The following ADGRV1 variants were observed in gnomAD, a reference collection of about 807,000 sequenced individuals.
The protein encoded by ADGRV1 is adhesion G protein-coupled receptor V1, also known as G-protein coupled receptor 98.
A neutral mutation model predicts 596.2 loss-of-function variants in ADGRV1; 359 were observed. The observed-to-expected ratio is 0.60, with a 90% confidence interval of 0.55 to 0.66. The LOEUF is 0.66. ADGRV1 is among the 30% of genes least tolerant of loss of function. The probability of loss-of-function intolerance (pLI) is 0.00; values close to 1 mark genes in which losing one functional copy is unlikely to be tolerated. For synonymous variants in ADGRV1, 2,681 were observed against 2,679.2 expected (o/e 1.00, Z -0.02); for missense variants, 7,274 against 7,575.6 (o/e 0.96, Z 1.48).
intron 55 of ADGRV1, among the ~76,000 whole-genome samples, 164 bp from the exon 56 acceptor site, chr5:90,756,290 T>C (rs1168295396): frequency 6.6e-6 from 1 of 152,196 alleles, no homozygotes; most frequent in Non-Finnish European, 1.5e-5. Flanking sequence ...AAGTGGTCAG[T>C]GGGAATGTAT....
intron 75 of ADGRV1, among the ~76,000 whole-genome samples, chr5:90,816,014 C>G (rs1475750285): frequency 6.6e-6 from 1 of 152,200 alleles, no homozygotes; most frequent in Admixed American, 6.5e-5. Flanking sequence ...TCTGCTCACT[C>G]TACATACATA....
At chr5:91,053,358 T>C (rs1382926239) in intron 85 of ADGRV1, among the ~76,000 whole-genome samples, 1 of 152,196 alleles carries the variant, frequency 6.6e-6, no homozygotes, top group African/African-American at 2.4e-5. Flanking sequence ...TTTAATTCTA[T>C]GTGTTTATTA....
intron 4 of ADGRV1, among the ~76,000 whole-genome samples, chr5:90,621,053 A>G (rs1763998344): frequency 6.6e-6 from 1 of 152,146 alleles, no homozygotes; most frequent in Admixed American, 6.5e-5. Context: ...ATCTTTAGAA[A>G]CAAATACACA....
intron 86 of ADGRV1, among the ~76,000 whole-genome samples, chr5:91,081,405 C>G (rs1789364704): frequency 6.6e-6 from 1 of 152,144 alleles, no homozygotes; most frequent in African/African-American, 2.4e-5. Flanking sequence ...TGTCTATCCC[C>G]ATTCCACACT....
At chr5:90,609,430 G>A in intron 1 of ADGRV1, among the ~76,000 whole-genome samples, 1 of 151,894 alleles carries the variant, frequency 6.6e-6, no homozygotes, top group East Asian at 1.9e-4. Context: ...AAAATGTTTA[G>A]CACTTACTCT....
At chr5:90,736,149 C>T (rs1435819581) in intron 50 of ADGRV1, among the ~76,000 whole-genome samples, 1 of 151,952 alleles carries the variant, frequency 6.6e-6, no homozygotes, top group African/African-American at 2.4e-5. Context: ...AAGTACATTT[C>T]CTCTATACCT....
chr5:90,851,960 A>G (rs1177115347), intron 79 of ADGRV1, among the ~76,000 whole-genome samples: 3 of 152,206 alleles, frequency 2.0e-5, no homozygotes, highest in Non-Finnish European at 4.4e-5. Flanking sequence ...GGTCTCTTCC[A>G]CATTGTATCT....
intron 42 of ADGRV1, among the ~76,000 whole-genome samples, chr5:90,713,108 G>A (rs74836712): frequency 0.067 from 10,125 of 152,066 alleles, 391 homozygotes; most frequent in South Asian, 0.13. Flanking sequence ...TGAATTTCAA[G>A]GATTGAATGC....
intron 1 of ADGRV1, among the ~76,000 whole-genome samples, chr5:90,601,550 G>GA (rs752539174): frequency 1.2e-4 from 19 of 152,308 alleles, no homozygotes; most frequent in African/African-American, 4.3e-4. Context: ...TTAGAAAACA[G>GA]AAAAACATTG....
intron 1 of ADGRV1, among the ~76,000 whole-genome samples, chr5:90,607,805 A>T (rs1390086557): frequency 6.6e-6 from 1 of 152,158 alleles, no homozygotes; most frequent in East Asian, 1.9e-4. Context: ...GAAGATCCAT[A>T]TATTCAGAGC....
intron 83 of ADGRV1, among the ~76,000 whole-genome samples, chr5:90,923,965 A>AT (rs1344715687): frequency 6.6e-6 from 1 of 151,672 alleles, no homozygotes; most frequent in African/African-American, 2.4e-5. Context: ...TGAACTCCTC[A>AT]TTTTTTATGG....
intron 75 of ADGRV1, among the ~76,000 whole-genome samples, chr5:90,818,695 C>G (rs910419362): frequency 6.7e-5 from 10 of 149,704 alleles, no homozygotes; most frequent in Admixed American, 1.3e-4. Context: ...GTCTTTGGCT[C>G]TGTTTATATG....
At chr5:90,958,093 T>C (rs1360994282) in intron 83 of ADGRV1, among the ~76,000 whole-genome samples, 1 of 151,598 alleles carries the variant, frequency 6.6e-6, no homozygotes, top group East Asian at 1.9e-4. Context: ...CTAGGCAACA[T>C]GCCAAAGCCC....
In ADGRV1 at chr5:90,628,849, G is replaced by A; in HGVS notation, c.1509+17G>A. The A allele has an allele frequency of 6.2e-7, 1 of 1,606,392 alleles. No homozygotes were observed. Among genetic ancestry groups the A allele is most frequent in the Non-Finnish European group, 8.5e-7 (1 of 1,174,900 alleles). On this transcript the variant is annotated intron_variant, in intron 8 of 89. Coordinates refer to ENST00000405460, the MANE Select transcript of ADGRV1 (RefSeq NM_032119.4). ...CCAGCGGAGGTATAACCCTTGTTATGCTTTATGCTTGTTAATATTTCTGTG... is the reference window on the plus strand; with the variant it reads ...CCAGCGGAGGTATAACCCTTGTTATACTTTATGCTTGTTAATATTTCTGTG...
intron 50 of ADGRV1, 125 bp downstream of exon 50, chr5:90,729,889 T>C: frequency 5.5e-6 from 5 of 912,632 alleles, no homozygotes; most frequent in Non-Finnish European, 8.3e-6. Context: ...TTTTTGGAGA[T>C]GGGGTCTAGC....
At chr5:90,986,405 C>A (rs943773255) in intron 85 of ADGRV1, among the ~76,000 whole-genome samples, 3 of 151,912 alleles carry the variant, frequency 2.0e-5, no homozygotes, top group African/African-American at 7.3e-5. Context: ...TATCAGCAGT[C>A]ATTTTAATAG....
In ADGRV1 at chr5:90,728,852, C is replaced by A; in HGVS notation, c.10345C>A (p.Pro3449Thr). 6.2e-7 allele frequency: 1 copy of A among 1,613,576 alleles called. No individual in the cohort carries two copies. Among genetic ancestry groups the A allele is most frequent in the East Asian group, 2.2e-5 (1 of 44,860 alleles). ...GSGFINFQEVPVSGTTEVEAL... is the reference protein window; with the variant it reads ...GSGFINFQEVTVSGTTEVEAL... The stretch of plus-strand genomic sequence containing the variant: ...TGGGTTTATTAACTTTCAAGAGGTG[C>A]CTGTCAGTGGGACAACAGAAGTTGA... The change falls in exon 49 of 90, where the codon CCT becomes ACT. Residue 3449 changes from proline to threonine, a missense_variant. Physicochemically the swap from Pro to Thr is conservative, Grantham distance 38. Transcript: ENST00000405460.
intron 83 of ADGRV1, among the ~76,000 whole-genome samples, chr5:90,939,964 G>A (rs760019853): frequency 3.5e-4 from 53 of 152,128 alleles, no homozygotes; most frequent in Non-Finnish European, 2.4e-4. Flanking sequence ...AGAAGTTCCT[G>A]TCATTCTTAC....
Position 91,004,450 on chromosome 5 carries a change from G to A in ADGRV1, c.18152+18928G>A, listed in dbSNP as rs144754713. On this transcript the variant is annotated intron_variant, in intron 85 of 89. Transcript: ENST00000405460. Reference sequence around the variant, plus strand: ...CCGGTCCTAAAAAAAAAAAAATTTCGTAAAATATCTTATTCATCTGATTTT... The same window carrying A: ...CCGGTCCTAAAAAAAAAAAAATTTCATAAAATATCTTATTCATCTGATTTT... 6.0e-3 allele frequency among the ~76,000 whole-genome samples: 901 copies of A among 151,116 alleles called. 13 individuals are homozygous for A. Among genetic ancestry groups the A allele is most frequent in the African/African-American group, 0.021 (860 of 41,168 alleles).
Sources: gnomAD v4.1 joint callset for allele counts (sites outside exome capture counted in the v4.1 genomes callset) on GRCh38, gnomAD v4.1.1 for gene constraint, MANE v1.5 for transcripts, NCBI Gene and HGNC (gene_info 2026-07-23, HGNC 2026-07-21) for gene names.